Variants in SLC4A5 observed in about 807,000 individuals in gnomAD.
SLC4A5 encodes the protein electrogenic sodium bicarbonate cotransporter 4.
Under a neutral mutation model 120.4 loss-of-function variants are expected in SLC4A5, and 96 were observed. That is an observed-to-expected ratio of 0.80 (90% CI 0.68 to 0.94). The LOEUF is 0.94. Ranked by LOEUF, SLC4A5 falls within the 40% of genes least tolerant of loss-of-function variation. The pLI is 0.00. For missense variants in SLC4A5, 1,259 were observed against 1,459.5 expected (o/e 0.86, Z 2.24); for synonymous variants, 550 against 571.1 (o/e 0.96, Z 0.53).
intron 5 of SLC4A5, among the ~76,000 whole-genome samples, chr2:74,317,887 G>A (rs1344171427): frequency 2.6e-5 from 4 of 152,190 alleles, no homozygotes; most frequent in Admixed American, 1.3e-4. Flanking sequence ...CATGGCAGCT[G>A]TTTGGCAGCT....
intron 8 of SLC4A5, among the ~76,000 whole-genome samples, chr2:74,265,563 A>G (rs959155388): frequency 5.3e-5 from 8 of 152,204 alleles, no homozygotes; most frequent in African/African-American, 1.4e-4. Context: ...AATTCCATAC[A>G]TTTTCTAAAA....
intron 12 of SLC4A5, among the ~76,000 whole-genome samples, chr2:74,257,447 T>A (rs1368894345): frequency 2.6e-5 from 4 of 151,756 alleles, no homozygotes; most frequent in African/African-American, 9.7e-5. Context: ...GCAGCCACCG[T>A]CTCCGAGCAT....
intron 6 of SLC4A5, 124 bp downstream of exon 6, chr2:74,314,821 T>C: frequency 1.2e-6 from 1 of 839,196 alleles, no homozygotes; most frequent in South Asian, 1.5e-5. Context: ...AAGGAGACAC[T>C]GTGGATGAGT....
chr2:74,267,556 C>T (rs1302897482), intron 8 of SLC4A5, among the ~76,000 whole-genome samples: 3 of 152,214 alleles, frequency 2.0e-5, no homozygotes, highest in African/African-American at 7.2e-5. Flanking sequence ...TGTGTGTGTG[C>T]ACACATGTGT....
chr2:74,297,148 C>T (rs529244555), intron 7 of SLC4A5, among the ~76,000 whole-genome samples: 1 of 152,154 alleles, frequency 6.6e-6, no homozygotes, highest in East Asian at 1.9e-4. Flanking sequence ...CTTCTCAGTA[C>T]CAACGAGGGC....
intron 7 of SLC4A5, among the ~76,000 whole-genome samples, chr2:74,297,407 G>C (rs941928553): frequency 2.0e-5 from 3 of 152,086 alleles, no homozygotes; most frequent in African/African-American, 7.2e-5. Context: ...CTCATCCTGG[G>C]ACAAGTCTCA....
chr2:74,219,751 A>G (rs1409001757), intron 30 of SLC4A5, among the ~76,000 whole-genome samples: 2 of 152,180 alleles, frequency 1.3e-5, no homozygotes, highest in Admixed American at 1.3e-4. Flanking sequence ...AAAATAAGAT[A>G]GACTGCTTTT....
chr2:74,330,187 T>C (rs1388542130), intron 4 of SLC4A5, among the ~76,000 whole-genome samples: 2 of 147,916 alleles, frequency 1.4e-5, no homozygotes, highest in Non-Finnish European at 3.0e-5. Context: ...GATGGAGGTG[T>C]GTGATATAGG....
intron 5 of SLC4A5, among the ~76,000 whole-genome samples, chr2:74,327,774 G>T (rs746126062): frequency 3.9e-5 from 6 of 152,104 alleles, no homozygotes; most frequent in Non-Finnish European, 7.4e-5. Flanking sequence ...AAAGACAACA[G>T]AAATTTACGT....
intron 30 of SLC4A5, among the ~76,000 whole-genome samples, chr2:74,219,681 C>G (rs1226131439): frequency 2.0e-5 from 3 of 152,184 alleles, no homozygotes; most frequent in Non-Finnish European, 4.4e-5. Flanking sequence ...TCCAAATTTT[C>G]TCTCTACTGC....
intron 28 of SLC4A5, 35 bp downstream of exon 28, chr2:74,224,805 T>C: frequency 6.3e-7 from 1 of 1,588,180 alleles, no homozygotes. Flanking sequence ...GTCTCTCAAT[T>C]TCTCCTCTGT....
chr2:74,239,680 G>A, intron 20 of SLC4A5, 145 bp from the exon 21 acceptor site: 1 of 733,134 alleles, frequency 1.4e-6, no homozygotes, highest in Non-Finnish European at 2.3e-6. Context: ...CCTGGGGACG[G>A]GCTGGTTCAA....
At chr2:74,327,329 C>G (rs1673239933) in intron 5 of SLC4A5, among the ~76,000 whole-genome samples, 1 of 152,128 alleles carries the variant, frequency 6.6e-6, no homozygotes, top group Non-Finnish European at 1.5e-5. Flanking sequence ...TTCTGACAGC[C>G]CAGAGTATTT....
intron 8 of SLC4A5, among the ~76,000 whole-genome samples, chr2:74,278,273 G>A (rs1346828872): frequency 6.6e-6 from 1 of 152,100 alleles, no homozygotes; most frequent in Non-Finnish European, 1.5e-5. Flanking sequence ...AGAGCTTCCT[G>A]AGTGCTCCAG....
chr2:74,269,610 G>GT lies in SLC4A5; in HGVS notation c.402-4347dup, dbSNP rs199984016. Among the ~76,000 whole-genome samples, 236 of 148,664 alleles carry GT rather than the reference G, an allele frequency of 1.6e-3. 2 individuals carry two copies. The highest frequency in any genetic ancestry group is 5.5e-3 in the East Asian group (28 of 5,094). On this transcript the variant is annotated intron_variant, in intron 8 of 30. Transcript: ENST00000394019. The stretch of plus-strand genomic sequence containing the variant: ...CCTCCTATTCAGCTTGCCTTTTATT[G>GT]TTTTTTTTTTCTCAAAAATAATACA...
At chr2:74,286,948 C>A (rs1002637133) in intron 7 of SLC4A5, among the ~76,000 whole-genome samples, 1 of 152,286 alleles carries the variant, frequency 6.6e-6, no homozygotes, top group Non-Finnish European at 1.5e-5. Context: ...AATGCCATGA[C>A]TAAAGGCATC....
chr2:74,304,655 A>T (rs376023495), exon 7 of SLC4A5: 1 of 1,614,052 alleles, frequency 6.2e-7, no homozygotes, highest in Non-Finnish European at 8.5e-7. Flanking sequence ...TGGGTACTGG[A>T]AGCCCAATGT....
rs139097410 is a variant in SLC4A5 at position 74,237,447 on chromosome 2, G to T, written c.2319+1888C>A. Among the ~76,000 whole-genome samples, 224 of 152,310 alleles carry T rather than the reference G, an allele frequency of 1.5e-3. 2 individuals carry two copies. Among genetic ancestry groups the T allele is most frequent in the African/African-American group, 5.1e-3 (213 of 41,570 alleles). On this transcript the variant is annotated intron_variant, in intron 21 of 30. Coordinates refer to ENST00000394019, the Ensembl canonical transcript of SLC4A5. ...TTGAGGGATGTGCTCTGGACTGGAA[G>T]TGGGCAGGAAGGAAGAGAACTTGTC...
chr2:74,219,630 C>A (rs182331185), intron 30 of SLC4A5, among the ~76,000 whole-genome samples: 10 of 152,256 alleles, frequency 6.6e-5, no homozygotes, highest in Admixed American at 2.0e-4. Context: ...TGTCTTAGGG[C>A]CTTGTGTAAT....
Sources: allele counts gnomAD v4.1 joint callset (sites outside exome capture counted in the v4.1 genomes callset), GRCh38; gene constraint gnomAD v4.1.1; transcripts MANE v1.5; gene names NCBI Gene and HGNC (gene_info 2026-07-23, HGNC 2026-07-21).